Variants in CHST11 observed in about 807,000 individuals in gnomAD.
CHST11 encodes carbohydrate sulfotransferase 11, also known as C4S-1.
CHST11 carries 9 observed loss-of-function variants against 30.4 expected under a neutral mutation model. The ratio of observed to expected loss-of-function variants is 0.30; its 90% CI spans 0.18 to 0.52. The LOEUF (loss-of-function observed/expected upper bound fraction) is 0.52. Ranked by LOEUF, CHST11 falls within the 20% of genes least tolerant of loss-of-function variation. The probability of loss-of-function intolerance (pLI) is 0.97; values close to 1 mark genes in which losing one functional copy is unlikely to be tolerated. For missense variants in CHST11, 348 were observed against 460.6 expected (o/e 0.76, Z 2.24); for synonymous variants, 152 against 187.8 (o/e 0.81, Z 1.56).
intron 2 of CHST11, among the ~76,000 whole-genome samples, chr12:104,723,034 C>G (rs1485288339): frequency 6.6e-6 from 1 of 152,028 alleles, no homozygotes; most frequent in African/African-American, 2.4e-5. Context: ...CCCACTTACC[C>G]CAGACAGGAG....
intron 2 of CHST11, among the ~76,000 whole-genome samples, chr12:104,688,152 A>T (rs1030309136): frequency 6.6e-6 from 1 of 152,220 alleles, no homozygotes; most frequent in Non-Finnish European, 1.5e-5. Context: ...AGAGGAAAAC[A>T]ATAGGGACCA....
intron 1 of CHST11, among the ~76,000 whole-genome samples, chr12:104,574,199 A>C (rs1160832210): frequency 2.0e-5 from 3 of 152,222 alleles, no homozygotes; most frequent in African/African-American, 7.2e-5. Flanking sequence ...ATCATTAAAA[A>C]GTCCGGAAAC....
At chr12:104,713,507 A>G (rs1214722484) in intron 2 of CHST11, among the ~76,000 whole-genome samples, 1 of 152,206 alleles carries the variant, frequency 6.6e-6, no homozygotes, top group African/African-American at 2.4e-5. Context: ...AAATTTTTCA[A>G]AACGGCTCTG....
chr12:104,468,604 T>C (rs916393646), intron 1 of CHST11, among the ~76,000 whole-genome samples: 10 of 152,216 alleles, frequency 6.6e-5, no homozygotes, highest in Non-Finnish European at 1.2e-4. Flanking sequence ...GGGTGGGACC[T>C]TTCTGCCCAT....
chr12:104,584,894 A>G (rs11112111), intron 1 of CHST11, among the ~76,000 whole-genome samples: 47,322 of 152,102 alleles, frequency 0.31, 7,628 homozygotes, highest in East Asian at 0.49. Flanking sequence ...CCAAGAGGGA[A>G]ATTGCTGGAT....
chr12:104,595,994 G>A (rs2038903154), intron 1 of CHST11, among the ~76,000 whole-genome samples: 1 of 152,214 alleles, frequency 6.6e-6, no homozygotes, highest in African/African-American at 2.4e-5. Context: ...AACTAGACTG[G>A]TTGGTCACTC....
chr12:104,529,187 G>A (rs1203602410), intron 1 of CHST11, among the ~76,000 whole-genome samples: 2 of 152,236 alleles, frequency 1.3e-5, no homozygotes, highest in African/African-American at 4.8e-5. Context: ...CTAAGGAGTT[G>A]TGCCTACTTA....
chr12:104,586,297 AC>A (rs997334710), intron 1 of CHST11, among the ~76,000 whole-genome samples: 3 of 152,176 alleles, frequency 2.0e-5, no homozygotes, highest in African/African-American at 7.2e-5. Context: ...CTTGAGATGG[AC>A]AAAGAATGGG....
intron 1 of CHST11, among the ~76,000 whole-genome samples, chr12:104,568,844 T>C (rs1423131405): frequency 6.6e-6 from 1 of 152,212 alleles, no homozygotes. Flanking sequence ...TTATACTGCC[T>C]CTGTATTTCT....
At chr12:104,657,514 G>A (rs1211256886) in intron 2 of CHST11, among the ~76,000 whole-genome samples, 2 of 151,092 alleles carry the variant, frequency 1.3e-5, no homozygotes, top group Non-Finnish European at 2.9e-5. Context: ...TTCTTCCCTG[G>A]CAGATGAAAA....
chr12:104,703,510 C>T (rs758553220), intron 2 of CHST11, among the ~76,000 whole-genome samples: 2 of 152,206 alleles, frequency 1.3e-5, no homozygotes, highest in Non-Finnish European at 1.5e-5. Context: ...CCCCGGCTGC[C>T]GTCTTTCTTC....
intron 1 of CHST11, among the ~76,000 whole-genome samples, chr12:104,512,844 T>A (rs1010428739): frequency 6.6e-6 from 1 of 151,664 alleles, no homozygotes; most frequent in Non-Finnish European, 1.5e-5. Flanking sequence ...AATTCCAGAG[T>A]GTGAAGAGCA....
chr12:104,559,600 G>A (rs1190799425), intron 1 of CHST11, among the ~76,000 whole-genome samples: 4 of 152,062 alleles, frequency 2.6e-5, no homozygotes, highest in Admixed American at 1.3e-4. Flanking sequence ...AAAATTAGCC[G>A]GGCATGGTGG....
At chr12:104,539,158 C>T (rs976853643) in intron 1 of CHST11, among the ~76,000 whole-genome samples, 3 of 152,288 alleles carry the variant, frequency 2.0e-5, no homozygotes, top group Non-Finnish European at 2.9e-5. Context: ...CTTGATAACG[C>T]GACTCTTCAC....
intron 1 of CHST11, among the ~76,000 whole-genome samples, chr12:104,568,211 G>A (rs910725088): frequency 6.6e-6 from 1 of 152,138 alleles, no homozygotes; most frequent in Non-Finnish European, 1.5e-5. Flanking sequence ...TGAATGGCCT[G>A]GTGCTTTGCC....
intron 1 of CHST11, among the ~76,000 whole-genome samples, chr12:104,515,620 T>C (rs2038014826): frequency 6.6e-6 from 1 of 152,206 alleles, no homozygotes; most frequent in South Asian, 2.1e-4. Flanking sequence ...AGAAAATGCC[T>C]GCCCTCCTGG....
chr12:104,474,219 G>C (rs572012698), intron 1 of CHST11, among the ~76,000 whole-genome samples: 1 of 152,188 alleles, frequency 6.6e-6, no homozygotes, highest in Non-Finnish European at 1.5e-5. Flanking sequence ...CTTTAAGAGC[G>C]AAGGTTTCAT....
At chr12:104,494,798 T>C (rs969422329) in intron 1 of CHST11, among the ~76,000 whole-genome samples, 1 of 152,212 alleles carries the variant, frequency 6.6e-6, no homozygotes, top group Non-Finnish European at 1.5e-5. Context: ...AAAATAATTT[T>C]AAAAATGTAA....
intron 2 of CHST11, among the ~76,000 whole-genome samples, chr12:104,756,532 G>GGGGGGTGT (rs1555250374): frequency 7.0e-6 from 1 of 143,292 alleles, no homozygotes; most frequent in African/African-American, 2.6e-5. Context: ...ATCCATGTGG[G>GGGGGGTGT]GTGTGTGTGT....
Sources: gnomAD v4.1 joint callset for allele counts (sites outside exome capture counted in the v4.1 genomes callset) on GRCh38, gnomAD v4.1.1 for gene constraint, MANE v1.5 for transcripts, NCBI Gene and HGNC (gene_info 2026-07-23, HGNC 2026-07-21) for gene names.